Variants in IGF2BP3 observed in about 807,000 individuals in gnomAD.
IGF2BP3 encodes insulin-like growth factor 2 mRNA-binding protein 3.
In IGF2BP3, 9 loss-of-function variants were observed where a neutral mutation model predicts 73.8. The observed-to-expected ratio is 0.12, with a 90% CI of 0.07 to 0.21. IGF2BP3 has a LOEUF of 0.21. IGF2BP3 is among the 10% of genes least tolerant of loss of function. The probability of loss-of-function intolerance (pLI) is 1.00; values close to 1 mark genes in which losing one functional copy is unlikely to be tolerated. For synonymous variants in IGF2BP3, 258 were observed against 256.7 expected, an observed-to-expected ratio of 1.01 and a Z score of -0.05; for missense variants, 542 against 714.0, an observed-to-expected ratio of 0.76 and a Z score of 2.75.
rs78070106 is a variant in IGF2BP3 at position 23,450,222 on chromosome 7, T to C, written c.236+18260A>G. Among the ~76,000 whole-genome samples, 915 of 152,332 alleles carry C rather than the reference T, an allele frequency of 6.0e-3. 6 individuals are homozygous for C. The highest frequency in any genetic ancestry group is 0.021 in the African/African-American group (866 of 41,574). On this transcript the variant is annotated intron_variant, in intron 2 of 14. Transcript: ENST00000258729. ...GATCTGTATGAAGAAAAGGGAAGCA[T>C]GCATAAAGCACTTCTGCTACCTATC...
At chr7:23,431,997 T>C (rs1405750416) in intron 2 of IGF2BP3, among the ~76,000 whole-genome samples, 1 of 152,200 alleles carries the variant, frequency 6.6e-6, no homozygotes, top group Non-Finnish European at 1.5e-5. Flanking sequence ...ACTTAAACAA[T>C]GAGCAAGGGA....
chr7:23,347,368 C>T (rs1029554880), intron 7 of IGF2BP3, among the ~76,000 whole-genome samples: 13 of 152,112 alleles, frequency 8.5e-5, no homozygotes, highest in African/African-American at 2.9e-4. Flanking sequence ...TCTTCTATAG[C>T]TGCATTTCTC....
chr7:23,457,750 G>A (rs1056002435), intron 2 of IGF2BP3, among the ~76,000 whole-genome samples: 2 of 152,198 alleles, frequency 1.3e-5, no homozygotes, highest in Non-Finnish European at 2.9e-5. Flanking sequence ...TCAGCAACGA[G>A]TGTAAGCAAG....
chr7:23,468,880 C>T (rs951063247), intron 1 of IGF2BP3, among the ~76,000 whole-genome samples: 2 of 152,228 alleles, frequency 1.3e-5, no homozygotes, highest in African/African-American at 4.8e-5. Context: ...ACACGCTCCA[C>T]AGGGCAGACT....
intron 3 of IGF2BP3, among the ~76,000 whole-genome samples, chr7:23,391,285 A>C (rs1239166701): frequency 1.3e-5 from 2 of 151,760 alleles, no homozygotes; most frequent in Admixed American, 6.6e-5. Flanking sequence ...TTTTTAGTAG[A>C]GACATGGTTT....
intron 5 of IGF2BP3, 110 bp downstream of exon 5, chr7:23,361,424 A>G: frequency 1.2e-6 from 1 of 808,230 alleles, no homozygotes; most frequent in Non-Finnish European, 2.0e-6. Flanking sequence ...TTTGTAAAAT[A>G]AAGTTTCTCT....
At chr7:23,398,125 A>C (rs888480102) in intron 3 of IGF2BP3, among the ~76,000 whole-genome samples, 1 of 133,072 alleles carries the variant, frequency 7.5e-6, no homozygotes, top group Admixed American at 9.2e-5. Flanking sequence ...ATGTGTTCTC[A>C]TTGTTCAGTT....
intron 2 of IGF2BP3, among the ~76,000 whole-genome samples, chr7:23,461,340 A>G (rs1788446676): frequency 6.6e-6 from 1 of 152,146 alleles, no homozygotes; most frequent in East Asian, 1.9e-4. Flanking sequence ...AAGCTAATGA[A>G]GTCTCCAAAT....
In IGF2BP3 at chr7:23,449,482, A is replaced by G. The variant is rs541514072; in HGVS notation, c.236+19000T>C. ...CAGTGAGCCGAGATAGCGCCACTGC[A>G]CTCCAGCCTGGGACACAGCGAGACT... is the stretch of plus-strand genomic sequence containing the variant. On this transcript the variant is annotated intron_variant, in intron 2 of 14. Transcript: ENST00000258729. 2.9e-4 allele frequency among the ~76,000 whole-genome samples: 43 copies of G among 150,294 alleles called. 2 individuals carry two copies. Among genetic ancestry groups the G allele is most frequent in the African/African-American group, 1.1e-3 (43 of 40,884 alleles).
intron 3 of IGF2BP3, among the ~76,000 whole-genome samples, chr7:23,374,595 T>C (rs565141463): frequency 8.7e-4 from 131 of 150,876 alleles, no homozygotes; most frequent in South Asian, 1.7e-3. Context: ...TAGGACTGCT[T>C]GAACCCAGAG....
intron 2 of IGF2BP3, among the ~76,000 whole-genome samples, chr7:23,465,980 G>A (rs540360462): frequency 2.8e-4 from 42 of 151,448 alleles, no homozygotes; most frequent in Non-Finnish European, 4.3e-4. Context: ...CCAAGGGTCA[G>A]TTAAAATAAC....
chr7:23,440,241 C>G (rs2128544770), intron 2 of IGF2BP3, among the ~76,000 whole-genome samples: 1 of 148,172 alleles, frequency 6.7e-6, no homozygotes, highest in Admixed American at 6.8e-5. Flanking sequence ...CCAGCCTGGA[C>G]AACAGAGCAG....
intron 3 of IGF2BP3, among the ~76,000 whole-genome samples, chr7:23,367,834 C>T (rs1034924523): frequency 5.3e-5 from 8 of 152,038 alleles, no homozygotes; most frequent in African/African-American, 1.9e-4. Flanking sequence ...AACCCCATCT[C>T]TACTAAATAT....
chr7:23,469,839 G>T lies in IGF2BP3; in HGVS notation c.175+97C>A. Reference sequence around the variant, plus strand: ...CTCAGGCCTCACCCCCGCTCCCCCAGCGCGCCGGGCCTGGGGCCCGCGGAG... The same window carrying T: ...CTCAGGCCTCACCCCCGCTCCCCCATCGCGCCGGGCCTGGGGCCCGCGGAG... On this transcript the variant is annotated intron_variant, in intron 1 of 14. Coordinates refer to ENST00000258729, the MANE Select transcript of IGF2BP3 (RefSeq NM_006547.3). This position sits in a 1 kb window ranked among gnomAD's most constrained non-coding sequence, Gnocchi z 6.1. 1.3e-6 allele frequency: 1 copy of T among 779,236 alleles called. No individual in the cohort carries two copies. Among genetic ancestry groups the T allele is most frequent in the Non-Finnish European group, 1.7e-6 (1 of 577,136 alleles). The allele number at this position is 779,236 out of a possible 1,614,324, so 48.3% of individuals were successfully genotyped here. A position where few individuals can be genotyped will look rare whatever the true frequency, so the allele number is the denominator to read the frequency against.
chr7:23,342,006 C>G, intron 10 of IGF2BP3, 58 bp downstream of exon 10: 1 of 1,476,508 alleles, frequency 6.8e-7, no homozygotes, highest in Non-Finnish European at 9.0e-7. Context: ...CACGCGGGGA[C>G]TAGGTTTACA....
chr7:23,319,335 C>T (rs1784074752), intron 10 of IGF2BP3, 81 bp from the exon 11 acceptor site: 1 of 838,242 alleles, frequency 1.2e-6, no homozygotes, highest in South Asian at 1.6e-5. Flanking sequence ...AGGAAGGACA[C>T]CTTCTCATGC....
At chr7:23,418,856 A>G in intron 2 of IGF2BP3, 32 bp from the exon 3 acceptor site, 1 of 1,438,278 alleles carries the variant, frequency 7.0e-7, no homozygotes, top group South Asian at 1.3e-5. Context: ...TTTTAAAAGA[A>G]AAAAACATAA....
At chr7:23,378,789 G>A (rs1311630561) in intron 3 of IGF2BP3, among the ~76,000 whole-genome samples, 3 of 151,888 alleles carry the variant, frequency 2.0e-5, no homozygotes, top group Non-Finnish European at 4.4e-5. Flanking sequence ...GGCCAGGATG[G>A]TCTCAATCTC....
intron 3 of IGF2BP3, among the ~76,000 whole-genome samples, chr7:23,390,811 T>C (rs1247265082): frequency 6.6e-6 from 1 of 151,468 alleles, no homozygotes; most frequent in Admixed American, 6.6e-5. Flanking sequence ...TTTTTTTTTT[T>C]TTTTTGAGAC....
Sources: gnomAD v4.1 joint callset for allele counts (sites outside exome capture counted in the v4.1 genomes callset) on GRCh38, gnomAD v4.1.1 for gene constraint, Gnocchi (gnomAD v3.1) non-coding constraint, MANE v1.5 for transcripts, NCBI Gene and HGNC (gene_info 2026-07-23, HGNC 2026-07-21) for gene names.